The following ADK variants were observed in gnomAD, a reference collection of about 807,000 sequenced individuals.
The protein encoded by ADK is adenosine kinase, also known as N6,N6-dimethyladenosine kinase.
Under a neutral mutation model 44.7 loss-of-function variants are expected in ADK, and 24 were observed. That is an observed-to-expected ratio of 0.54 (90% CI 0.39 to 0.76). The LOEUF is 0.76. Among genes scored for constraint, ADK ranks in the 30% least tolerant of loss-of-function variants. The pLI is 0.00. For missense variants in ADK, 321 were observed against 425.1 expected, an observed-to-expected ratio of 0.76 and a Z score of 2.15; for synonymous variants, 128 against 142.6, an observed-to-expected ratio of 0.90 and a Z score of 0.73.
Position 74,707,577 on chromosome 10 carries a change from A to G in ADK, c.965-744A>G, listed in dbSNP as rs563573532. 2.6e-3 allele frequency among the ~76,000 whole-genome samples: 393 copies of G among 151,604 alleles called. 3 individuals carry two copies. The highest frequency in any genetic ancestry group is 6.8e-3 in the Middle Eastern group (2 of 294). The stretch of plus-strand genomic sequence containing the variant: ...CAGGAGTTTGAGAACAGCCTGGCCA[A>G]CATGGTGAAACCCCATCTCTACTAA... On this transcript the variant is annotated intron_variant, in intron 10 of 10. Coordinates refer to ENST00000539909, the MANE Select transcript of ADK (RefSeq NM_006721.4).
intron 6 of ADK, among the ~76,000 whole-genome samples, chr10:74,446,617 T>C (rs1282139795): frequency 6.6e-6 from 1 of 152,156 alleles, no homozygotes; most frequent in Non-Finnish European, 1.5e-5. Flanking sequence ...AGGTGGATAA[T>C]TGTACATTTG....
At chr10:74,702,655 G>A (rs768799453) in intron 10 of ADK, among the ~76,000 whole-genome samples, 7 of 150,734 alleles carry the variant, frequency 4.6e-5, no homozygotes, top group Non-Finnish European at 7.4e-5. Flanking sequence ...CTGGAGTGCA[G>A]TGACATGATC....
intron 8 of ADK, among the ~76,000 whole-genome samples, chr10:74,589,635 G>A (rs1039737555): frequency 6.6e-6 from 1 of 152,124 alleles, no homozygotes; most frequent in African/African-American, 2.4e-5. Context: ...CAGTTAAAAA[G>A]CTACCTCATT....
chr10:74,339,404 G>A lies in ADK; in HGVS notation c.273+24659G>A, dbSNP rs534806652. On this transcript the variant is annotated intron_variant, in intron 4 of 10. Transcript: ENST00000539909. ...AAAATTCTTTGCTGTGAAGTGAAAC[G>A]TTTGGTAATCATATATCTTGTTGAC... 3.7e-4 allele frequency among the ~76,000 whole-genome samples: 57 copies of A among 152,308 alleles called. 1 individual carries two copies. In the South Asian group the frequency reaches 8.7e-3, roughly 23 times the overall value.
chr10:74,381,358 T>C (rs1215246921), intron 4 of ADK, among the ~76,000 whole-genome samples: 1 of 152,186 alleles, frequency 6.6e-6, no homozygotes, highest in East Asian at 1.9e-4. Flanking sequence ...TGGGAGTTCT[T>C]GACAATAGAA....
At chr10:74,406,520 TAATAATAAGAAG>T (rs1338206382) in intron 6 of ADK, among the ~76,000 whole-genome samples, 657 of 57,622 alleles carry the variant, frequency 0.011, 12 homozygotes, top group East Asian at 0.069. Flanking sequence ...ATAATAATAA[TAATAATAAGAAG>T]AAGAAGAAGA....
At chr10:74,332,922 T>A (rs981584886) in intron 4 of ADK, among the ~76,000 whole-genome samples, 1 of 152,200 alleles carries the variant, frequency 6.6e-6, no homozygotes, top group African/African-American at 2.4e-5. Context: ...GTTATTTTTC[T>A]TAAATTGAAT....
intron 6 of ADK, among the ~76,000 whole-genome samples, chr10:74,479,143 C>T (rs1846971092): frequency 6.6e-6 from 1 of 152,060 alleles, no homozygotes; most frequent in Non-Finnish European, 1.5e-5. Context: ...GAACCACAGG[C>T]ACGTACCACC....
chr10:74,224,475 T>C, intron 2 of ADK, 63 bp from the exon 3 acceptor site: 2 of 1,325,496 alleles, frequency 1.5e-6, no homozygotes, highest in Non-Finnish European at 1.1e-6. Flanking sequence ...TTTGAAGAGG[T>C]CAGCTAACTT....
chr10:74,625,075 A>G (rs912229255), intron 9 of ADK, among the ~76,000 whole-genome samples: 45 of 152,278 alleles, frequency 3.0e-4, no homozygotes, highest in African/African-American at 9.6e-4. Flanking sequence ...TATGTCAAGA[A>G]TTGTGGTTAT....
chr10:74,530,019 T>G (rs1264087199), intron 7 of ADK, among the ~76,000 whole-genome samples: 2 of 152,170 alleles, frequency 1.3e-5, no homozygotes, highest in African/African-American at 2.4e-5. Context: ...ATACAACACC[T>G]TAATACATAC....
At chr10:74,399,667 C>T (rs530510854) in intron 6 of ADK, among the ~76,000 whole-genome samples, 2 of 151,906 alleles carry the variant, frequency 1.3e-5, no homozygotes, top group East Asian at 3.9e-4. Flanking sequence ...ATGTTCTTTC[C>T]ATTTTTCAAA....
intron 7 of ADK, among the ~76,000 whole-genome samples, chr10:74,587,335 T>C (rs934659175): frequency 6.6e-6 from 1 of 152,238 alleles, no homozygotes; most frequent in Admixed American, 6.5e-5. Context: ...CTTATTTTTG[T>C]CTACATGAAC....
intron 4 of ADK, among the ~76,000 whole-genome samples, chr10:74,346,353 G>C (rs1841764546): frequency 6.6e-6 from 1 of 150,588 alleles, no homozygotes; most frequent in Non-Finnish European, 1.5e-5. Flanking sequence ...TACACTTATA[G>C]TACAGTATAC....
intron 4 of ADK, among the ~76,000 whole-genome samples, chr10:74,384,952 T>G (rs1843093777): frequency 6.6e-6 from 1 of 152,028 alleles, no homozygotes; most frequent in Non-Finnish European, 1.5e-5. Flanking sequence ...CAAAATGCAG[T>G]GGATTGGAGA....
chr10:74,637,807 T>C (rs1853668580), intron 9 of ADK, among the ~76,000 whole-genome samples: 1 of 152,178 alleles, frequency 6.6e-6, no homozygotes, highest in East Asian at 1.9e-4. Context: ...TGCCTAGGGA[T>C]AGAGGGCAGG....
intron 3 of ADK, among the ~76,000 whole-genome samples, chr10:74,277,287 T>G (rs973663738): frequency 6.6e-6 from 1 of 152,218 alleles, no homozygotes; most frequent in Non-Finnish European, 1.5e-5. Flanking sequence ...GATGAGCACT[T>G]AAGTCTATAC....
At chr10:74,608,508 G>A (rs186975591) in intron 9 of ADK, among the ~76,000 whole-genome samples, 61 of 152,188 alleles carry the variant, frequency 4.0e-4, no homozygotes, top group Admixed American at 3.5e-3. Flanking sequence ...GTCTGCTGGA[G>A]TTTTCTGGAG....
chr10:74,273,459 C>CTT (rs200697640), intron 3 of ADK, among the ~76,000 whole-genome samples: 17 of 147,532 alleles, frequency 1.2e-4, no homozygotes, highest in African/African-American at 3.2e-4. Flanking sequence ...TCTTCTTCTT[C>CTT]TTTTTTTTTT....
Sources: allele counts gnomAD v4.1 joint callset (sites outside exome capture counted in the v4.1 genomes callset), GRCh38; gene constraint gnomAD v4.1.1; transcripts MANE v1.5; gene names NCBI Gene and HGNC (gene_info 2026-07-23, HGNC 2026-07-21).